GHR: variants seen among roughly 807,000 people sequenced by gnomAD.
GHR encodes the protein growth hormone receptor, also known as GH receptor.
In GHR, 35 loss-of-function variants were observed where a neutral mutation model predicts 67.1. That is an observed-to-expected ratio of 0.52 (90% confidence interval 0.40 to 0.69). GHR has a LOEUF of 0.69. Ranked by LOEUF, GHR falls within the 30% of genes least tolerant of loss-of-function variation. The pLI, the probability that GHR is intolerant of heterozygous loss-of-function variation, is 0.00. For missense variants in GHR, 792 were observed against 764.6 expected, an observed-to-expected ratio of 1.04 and a Z score of -0.42; for synonymous variants, 272 against 269.1, an observed-to-expected ratio of 1.01 and a Z score of -0.10.
Position 42,660,839 on chromosome 5 carries a change from C to G in GHR, c.137-28051C>G, listed in dbSNP as rs180942421. On this transcript the variant is annotated intron_variant, in intron 3 of 9. Coordinates refer to ENST00000230882, the MANE Select transcript of GHR (RefSeq NM_000163.5). ...TACAGGAGGAAATTGAAACCAAAGG[C>G]AAAGAAGTTGAAAACTCTGAAAAAA... Among the ~76,000 whole-genome samples the G allele has an allele frequency of 9.7e-4, 147 of 152,120 alleles. 4 individuals are homozygous for G. Among genetic ancestry groups the G allele is most frequent in the East Asian group, 5.6e-3 (29 of 5,170 alleles).
intron 1 of GHR, among the ~76,000 whole-genome samples, chr5:42,518,881 G>A (rs530236577): frequency 1.3e-5 from 2 of 150,902 alleles, no homozygotes; most frequent in Non-Finnish European, 3.0e-5. Flanking sequence ...ACTTGAAATA[G>A]AAAAAAAAAG....
intron 3 of GHR, among the ~76,000 whole-genome samples, chr5:42,648,632 C>T (rs1056364617): frequency 2.0e-5 from 3 of 151,788 alleles, no homozygotes; most frequent in Non-Finnish European, 4.4e-5. Flanking sequence ...CTTGTCTTAT[C>T]CTACTCCCTG....
chr5:42,689,543 A>C lies in GHR; in HGVS notation c.266+524A>C, dbSNP rs1266544672. ...TTGTGGTGTCCTAGACCAGAGACATAAGTGAAACGGGACAGGCCACGTGAG... is the reference window on the plus strand; with the variant it reads ...TTGTGGTGTCCTAGACCAGAGACATCAGTGAAACGGGACAGGCCACGTGAG... On this transcript the variant is annotated intron_variant, in intron 4 of 9. Transcript: ENST00000230882. Among the ~76,000 whole-genome samples the C allele has an allele frequency of 2.0e-5, 3 of 152,296 alleles. No individual in the cohort carries two copies. In the South Asian group the frequency reaches 6.2e-4, roughly 32 times the overall value.
chr5:42,433,668 T>C (rs1037088554), intron 1 of GHR, among the ~76,000 whole-genome samples: 1 of 151,586 alleles, frequency 6.6e-6, no homozygotes, highest in Non-Finnish European at 1.5e-5. Context: ...CTGTTTGGAC[T>C]GAGGGATTGG....
intron 1 of GHR, among the ~76,000 whole-genome samples, chr5:42,533,076 G>A (rs775174843): frequency 4.6e-5 from 7 of 151,974 alleles, no homozygotes; most frequent in African/African-American, 1.2e-4. Flanking sequence ...ACTTTGTTTC[G>A]CAGGTCATTG....
chr5:42,660,081 TGCTTAGGTAAACAAA>T (rs1755498700), intron 3 of GHR, among the ~76,000 whole-genome samples: 1 of 152,166 alleles, frequency 6.6e-6, no homozygotes, highest in Non-Finnish European at 1.5e-5. Context: ...TGCCCAGGTT[TGCTTAGGTAAACAAA>T]GCAGGCGGGA....
intron 3 of GHR, among the ~76,000 whole-genome samples, chr5:42,680,441 C>CT (rs1241997210): frequency 1.3e-5 from 2 of 149,650 alleles, no homozygotes; most frequent in South Asian, 2.1e-4. Flanking sequence ...ATGTGCTTTT[C>CT]TTTTTTTTTC....
intron 7 of GHR, among the ~76,000 whole-genome samples, chr5:42,711,634 C>T (rs1026791691): frequency 2.6e-5 from 4 of 151,970 alleles, no homozygotes; most frequent in East Asian, 1.9e-4. Context: ...TGGCAATCTC[C>T]GGATGGTAGA....
intron 1 of GHR, among the ~76,000 whole-genome samples, chr5:42,434,952 T>A (rs1051801759): frequency 1.7e-4 from 26 of 152,208 alleles, no homozygotes; most frequent in Admixed American, 1.6e-3. Context: ...ATCTTTACTA[T>A]CTTTGTGACT....
chr5:42,529,138 A>C (rs1579876893), intron 1 of GHR, among the ~76,000 whole-genome samples: 1 of 151,704 alleles, frequency 6.6e-6, no homozygotes, highest in East Asian at 1.9e-4. Context: ...CAGCCTCCCG[A>C]GTAGCTGGAA....
intron 2 of GHR, among the ~76,000 whole-genome samples, chr5:42,578,730 C>T (rs767584561): frequency 6.6e-6 from 1 of 152,134 alleles, no homozygotes; most frequent in Non-Finnish European, 1.5e-5. Flanking sequence ...TCATAATTGT[C>T]ATTTCTCAGG....
At chr5:42,598,350 C>T (rs1394370846) in intron 2 of GHR, among the ~76,000 whole-genome samples, 2 of 152,052 alleles carry the variant, frequency 1.3e-5, no homozygotes, top group Non-Finnish European at 2.9e-5. Context: ...TTAAAATGAG[C>T]AGGGGTTTGT....
At chr5:42,584,321 T>C (rs912577540) in intron 2 of GHR, among the ~76,000 whole-genome samples, 5 of 152,162 alleles carry the variant, frequency 3.3e-5, no homozygotes, top group African/African-American at 1.2e-4. Flanking sequence ...TAATCTCCAA[T>C]TACTCCTTTT....
At chr5:42,522,574 T>C (rs1561093786) in intron 1 of GHR, among the ~76,000 whole-genome samples, 1 of 152,170 alleles carries the variant, frequency 6.6e-6, no homozygotes, top group Non-Finnish European at 1.5e-5. Context: ...AGGAAAATCT[T>C]ATACCTCTGA....
At chr5:42,541,237 G>A (rs921705067) in intron 1 of GHR, among the ~76,000 whole-genome samples, 2 of 152,064 alleles carry the variant, frequency 1.3e-5, no homozygotes, top group Non-Finnish European at 2.9e-5. Context: ...TAATTGCCAT[G>A]GAGAAAAATT....
chr5:42,579,155 GATA>G (rs1751007527), intron 2 of GHR, among the ~76,000 whole-genome samples: 1 of 39,262 alleles, frequency 2.5e-5, no homozygotes, highest in African/African-American at 1.0e-4. Flanking sequence ...GATAGATATA[GATA>G]GATAGATAGA....
chr5:42,493,617 G>T (rs183098164), intron 1 of GHR, among the ~76,000 whole-genome samples: 1 of 152,220 alleles, frequency 6.6e-6, no homozygotes, highest in East Asian at 1.9e-4. Context: ...TAGCAGAAAA[G>T]AAAGTTAATT....
intron 1 of GHR, among the ~76,000 whole-genome samples, chr5:42,448,243 C>T (rs1743897887): frequency 6.6e-6 from 1 of 152,166 alleles, no homozygotes; most frequent in Non-Finnish European, 1.5e-5. Flanking sequence ...TCACTACCTT[C>T]ATGCCAACAT....
chr5:42,662,360 G>A (rs1282690519), intron 3 of GHR, among the ~76,000 whole-genome samples: 2 of 152,096 alleles, frequency 1.3e-5, no homozygotes, highest in Non-Finnish European at 2.9e-5. Context: ...TCGAAGCAAA[G>A]CTCTCCTCAG....
Sources: allele counts gnomAD v4.1 joint callset (sites outside exome capture counted in the v4.1 genomes callset), GRCh38; gene constraint gnomAD v4.1.1; transcripts MANE v1.5; gene names NCBI Gene and HGNC (gene_info 2026-07-23, HGNC 2026-07-21).